MTCL1: variants seen among roughly 807,000 people sequenced by gnomAD.
MTCL1 encodes the protein microtubule cross-linking factor 1.
Under a neutral mutation model 141.4 loss-of-function variants are expected in MTCL1, and 79 were observed. The ratio of observed to expected loss-of-function variants is 0.56; its 90% CI spans 0.47 to 0.67. The LOEUF (loss-of-function observed/expected upper bound fraction) is 0.67. MTCL1 is among the 30% of genes least tolerant of loss of function. The probability of loss-of-function intolerance (pLI) is 0.00; values close to 1 mark genes in which losing one functional copy is unlikely to be tolerated. For missense variants in MTCL1, 2,177 were observed against 2,113.9 expected, an observed-to-expected ratio of 1.03 and a Z score of -0.59; for synonymous variants, 914 against 875.8, an observed-to-expected ratio of 1.04 and a Z score of -0.77.
At chr18:8,772,891 A>G (rs907481526) in intron 4 of MTCL1, among the ~76,000 whole-genome samples, 4 of 152,070 alleles carry the variant, frequency 2.6e-5, no homozygotes, top group African/African-American at 9.7e-5. Context: ...TTAAGAGCAT[A>G]GCTTTTAGGG....
Position 8,710,135 on chromosome 18 carries a change from C to T in MTCL1, c.1053+3422C>T, listed in dbSNP as rs555956229. 1.1e-3 allele frequency among the ~76,000 whole-genome samples: 162 copies of T among 152,280 alleles called. 2 individuals are homozygous for T. The highest frequency in any genetic ancestry group is 9.3e-3 in the Admixed American group (143 of 15,304). On this transcript the variant is annotated intron_variant, in intron 1 of 13. Coordinates refer to the MTCL1 transcript ENST00000306329. ...GATTACAGGCATGAGCCACCGCGCC[C>T]GGCCTGGCCTGTATTTTTTTAAATA... is the stretch of plus-strand genomic sequence containing the variant.
At chr18:8,785,149 G>A (rs1417931032) in intron 6 of MTCL1, among the ~76,000 whole-genome samples, 1 of 152,018 alleles carries the variant, frequency 6.6e-6, no homozygotes, top group Admixed American at 6.6e-5. Context: ...CAGTGGAAGC[G>A]ATAGGGCTCG....
upstream of MTCL1, among the ~76,000 whole-genome samples, chr18:8,714,966 T>C (rs1023886659): frequency 6.6e-6 from 1 of 152,090 alleles, no homozygotes; most frequent in African/African-American, 2.4e-5. Context: ...CTGGCTAATT[T>C]TTTTTATTTT....
chr18:8,708,763 T>A (rs996379246), intron 1 of MTCL1, among the ~76,000 whole-genome samples: 1 of 152,206 alleles, frequency 6.6e-6, no homozygotes, highest in Admixed American at 6.5e-5. Context: ...GTACGAATGG[T>A]CACATAAATC....
At chr18:8,714,866 C>T (rs535340572), upstream of MTCL1, among the ~76,000 whole-genome samples, 1 of 151,964 alleles carries the variant, frequency 6.6e-6, no homozygotes, top group Non-Finnish European at 1.5e-5. Flanking sequence ...GCGCGATTTC[C>T]ACTCACTGCA....
chr18:8,775,408 TAAAAAAA>T (rs780102071), intron 4 of MTCL1, among the ~76,000 whole-genome samples: 3 of 92,970 alleles, frequency 3.2e-5, no homozygotes, highest in African/African-American at 1.2e-4. Context: ...TCGTCTCTAC[TAAAAAAA>T]AAAAAAAAAA....
chr18:8,732,590 G>GT (rs2096255968), intron 4 of MTCL1, among the ~76,000 whole-genome samples: 1 of 152,086 alleles, frequency 6.6e-6, no homozygotes, highest in Non-Finnish European at 1.5e-5. Flanking sequence ...AAGTTGTGTT[G>GT]TTTTTTTCTC....
intron 4 of MTCL1, among the ~76,000 whole-genome samples, chr18:8,773,352 T>A (rs1195466799): frequency 6.6e-6 from 1 of 152,168 alleles, no homozygotes; most frequent in Non-Finnish European, 1.5e-5. Context: ...TTTGAGTCTA[T>A]AAATGTCTAA....
chr18:8,712,595 C>T (rs1461811524), upstream of MTCL1, among the ~76,000 whole-genome samples: 2 of 152,184 alleles, frequency 1.3e-5, no homozygotes, highest in Non-Finnish European at 2.9e-5. Context: ...ATTCGCTGTC[C>T]ATACCCACTC....
rs1196530788 is a variant in MTCL1, at chr18:8,789,677, T to G, written c.1888-3321T>G. 4.1e-6 allele frequency: 4 copies of G among 985,254 alleles called. No individual in the cohort carries two copies. The African/African-American group carries it at 5.2e-5, about 13-fold the overall frequency. 61.0% of individuals were successfully genotyped at this position (985,254 alleles called of 1,614,324 possible). A position where few individuals can be genotyped will look rare whatever the true frequency, so the allele number is the denominator to read the frequency against. Reference sequence around the variant, plus strand: ...GTGGTGGTGGTTTAGATAAGCTGCTTTAATAGGGAGATCAAGATGAATTTG... The same window carrying G: ...GTGGTGGTGGTTTAGATAAGCTGCTGTAATAGGGAGATCAAGATGAATTTG... On this transcript the variant is annotated intron_variant, in intron 7 of 16. Coordinates refer to ENST00000359865, the Ensembl canonical transcript of MTCL1.
intron 12 of MTCL1, among the ~76,000 whole-genome samples, chr18:8,815,477 C>T (rs1375072039): frequency 6.6e-6 from 1 of 151,230 alleles, no homozygotes; most frequent in Admixed American, 6.6e-5. Flanking sequence ...TTGTGGGGTG[C>T]GGGGAGGTGG....
chr18:8,783,481 A>G, intron 5 of MTCL1, 49 bp from the exon 5 acceptor site: 3 of 1,488,324 alleles, frequency 2.0e-6, no homozygotes, highest in Non-Finnish European at 2.7e-6. Flanking sequence ...AAACACGAAC[A>G]TTTGGTATTT....
At chr18:8,729,621 C>T (rs2148858533) in intron 4 of MTCL1, among the ~76,000 whole-genome samples, 1 of 120,048 alleles carries the variant, frequency 8.3e-6, no homozygotes, top group Non-Finnish European at 1.7e-5. Context: ...CTCAGGCTGT[C>T]TCAAACTCCT....
chr18:8,762,719 G>A (rs2096438858), intron 4 of MTCL1, among the ~76,000 whole-genome samples: 1 of 152,216 alleles, frequency 6.6e-6, no homozygotes, highest in Non-Finnish European at 1.5e-5. Context: ...GGTACAAGAA[G>A]ACATCGGCAC....
intron 4 of MTCL1, among the ~76,000 whole-genome samples, chr18:8,755,105 G>A (rs78808631): frequency 0.01 from 1,588 of 152,294 alleles, 75 homozygotes; most frequent in East Asian, 0.1. Flanking sequence ...AAATGCCCCC[G>A]TGCCACGGCT....
At chr18:8,814,845 A>G (rs1327307479) in intron 12 of MTCL1, among the ~76,000 whole-genome samples, 1 of 152,222 alleles carries the variant, frequency 6.6e-6, no homozygotes, top group Non-Finnish European at 1.5e-5. Context: ...CACACCTTGG[A>G]TATAAATTAA....
chr18:8,734,206 A>AC (rs551529397), intron 4 of MTCL1, among the ~76,000 whole-genome samples: 5 of 150,728 alleles, frequency 3.3e-5, no homozygotes, highest in Non-Finnish European at 4.4e-5. Flanking sequence ...TGCTGGTAGC[A>AC]CCCCCCCTCC....
At chr18:8,707,231 C>G (rs1158305125) in intron 1 of MTCL1, 1 of 152,718 alleles carries the variant, frequency 6.5e-6, no homozygotes, top group East Asian at 1.9e-4. Context: ...TCCTGGGCTC[C>G]GACATCCCGG....
intron 4 of MTCL1, among the ~76,000 whole-genome samples, chr18:8,765,673 T>G (rs546065761): frequency 6.6e-6 from 1 of 152,330 alleles, no homozygotes; most frequent in South Asian, 2.1e-4. Context: ...CCAAGGAAGC[T>G]TCTCTCTTCT....
Sources: allele counts gnomAD v4.1 joint callset (sites outside exome capture counted in the v4.1 genomes callset), GRCh38; gene constraint gnomAD v4.1.1; transcripts MANE v1.5; gene names NCBI Gene and HGNC (gene_info 2026-07-23, HGNC 2026-07-21).